ULK4: variants seen among roughly 807,000 people sequenced by gnomAD.
The protein encoded by ULK4 is inactive serine/threonine-protein kinase ULK4.
In ULK4, 133 loss-of-function variants were observed where a neutral mutation model predicts 160.6. The observed-to-expected ratio is 0.83, with a 90% confidence interval of 0.72 to 0.96. The LOEUF (loss-of-function observed/expected upper bound fraction) is 0.96, where lower values mean the gene tolerates loss of function less well. ULK4 is among the 40% of genes least tolerant of loss of function. ULK4 has a pLI of 0.00. For missense variants in ULK4, 1,580 were observed against 1,499.5 expected (o/e 1.05, Z -0.89); for synonymous variants, 534 against 539.8 (o/e 0.99, Z 0.15).
chr3:41,636,881 A>G (rs2033975866), intron 30 of ULK4, among the ~76,000 whole-genome samples: 1 of 151,958 alleles, frequency 6.6e-6, no homozygotes, highest in Non-Finnish European at 1.5e-5. Flanking sequence ...CGAACAGTGG[A>G]ATTAAAGATG....
intron 35 of ULK4, among the ~76,000 whole-genome samples, chr3:41,306,494 C>T (rs1353450699): frequency 1.4e-5 from 2 of 145,764 alleles, no homozygotes; most frequent in East Asian, 2.1e-4. Flanking sequence ...GCCCCCCGCC[C>T]GGCCAGCCGC....
intron 30 of ULK4, among the ~76,000 whole-genome samples, chr3:41,635,400 A>G (rs962215980): frequency 2.0e-5 from 3 of 152,050 alleles, no homozygotes; most frequent in African/African-American, 4.8e-5. Flanking sequence ...AAAAATAATT[A>G]TTAAGAATTA....
intron 17 of ULK4, 46 bp downstream of exon 17, chr3:41,883,828 C>G (rs1464895462): frequency 4.8e-6 from 7 of 1,463,756 alleles, no homozygotes; most frequent in Non-Finnish European, 5.8e-6. Context: ...GAATCAAGAA[C>G]AGTATTTCTT....
intron 21 of ULK4, among the ~76,000 whole-genome samples, chr3:41,779,983 A>G (rs2039769194): frequency 1.0e-5 from 1 of 96,482 alleles, no homozygotes; most frequent in Admixed American, 9.9e-5. Context: ...CTTAGAGTAT[A>G]ATAAAAAAAA....
chr3:41,679,682 T>G lies in ULK4; in HGVS notation c.2978+1826A>C, dbSNP rs2035857338. On this transcript the variant is annotated intron_variant, in intron 29 of 36. Transcript: ENST00000301831. ...TTAACACTTTTTATTTCACAAACTG[T>G]TCCAAAACTGGGCAGACTTCAGATA... Among the ~76,000 whole-genome samples the G allele has an allele frequency of 1.3e-5, 2 of 152,204 alleles. 1 individual carries two copies. Among genetic ancestry groups the G allele is most frequent in the South Asian group, 4.1e-4 (2 of 4,826 alleles).
In ULK4 at chr3:41,909,184, A is replaced by G. The variant is rs139872876; in HGVS notation, c.1086-1243T>C. On this transcript the variant is annotated intron_variant, in intron 11 of 36. Coordinates refer to ENST00000301831, the MANE Select transcript of ULK4 (RefSeq NM_017886.4). ...GCTGAGGCAGAAGAATAGCTTAAAC[A>G]GTGTAGGTGAAGGTTGCAGTGAGCA... 1.5e-3 allele frequency among the ~76,000 whole-genome samples: 233 copies of G among 151,846 alleles called. 1 individual carries two copies. The highest frequency in any genetic ancestry group is 5.4e-3 in the African/African-American group (222 of 41,412).
At chr3:41,745,876 G>C (rs1455756507) in intron 22 of ULK4, among the ~76,000 whole-genome samples, 1 of 150,702 alleles carries the variant, frequency 6.6e-6, no homozygotes, top group Non-Finnish European at 1.5e-5. Context: ...TATAGCAACA[G>C]CTAAAAAAAT....
chr3:41,309,365 T>C (rs1477116849), intron 35 of ULK4, among the ~76,000 whole-genome samples: 1 of 152,150 alleles, frequency 6.6e-6, no homozygotes, highest in East Asian at 1.9e-4. Flanking sequence ...CTCCCTATGC[T>C]GCCCAGGCTG....
intron 32 of ULK4, among the ~76,000 whole-genome samples, chr3:41,468,696 C>T (rs1220690265): frequency 3.3e-5 from 5 of 152,290 alleles, no homozygotes; most frequent in African/African-American, 1.2e-4. Context: ...TACCTTTCCA[C>T]CTCCCAGAGG....
intron 35 of ULK4, among the ~76,000 whole-genome samples, chr3:41,274,062 C>T (rs1166378017): frequency 1.3e-5 from 2 of 152,038 alleles, no homozygotes; most frequent in East Asian, 3.9e-4. Context: ...AAACTAAAGA[C>T]ACCCTCCATA....
chr3:41,385,992 A>G (rs1173737279), intron 35 of ULK4, among the ~76,000 whole-genome samples: 1 of 152,180 alleles, frequency 6.6e-6, no homozygotes, highest in African/African-American at 2.4e-5. Flanking sequence ...CTGGATGCTT[A>G]TTATTATCCT....
At chr3:41,924,793 T>C (rs1699319332) in intron 5 of ULK4, among the ~76,000 whole-genome samples, 2 of 152,150 alleles carry the variant, frequency 1.3e-5, no homozygotes, top group Admixed American at 1.3e-4. Flanking sequence ...ATTAACCTGC[T>C]GCTCTCCATC....
chr3:41,316,973 A>G (rs2080153384), intron 35 of ULK4, among the ~76,000 whole-genome samples: 1 of 151,898 alleles, frequency 6.6e-6, no homozygotes, highest in African/African-American at 2.4e-5. Context: ...TTTTAATTTA[A>G]TATTACATAT....
intron 35 of ULK4, among the ~76,000 whole-genome samples, chr3:41,285,563 G>C (rs2079440582): frequency 6.6e-6 from 1 of 152,114 alleles, no homozygotes; most frequent in Admixed American, 6.5e-5. Flanking sequence ...GTGTAAGAAT[G>C]ATACAATGGA....
intron 17 of ULK4, among the ~76,000 whole-genome samples, chr3:41,867,766 G>C (rs1396766528): frequency 6.6e-6 from 1 of 152,242 alleles, no homozygotes; most frequent in Non-Finnish European, 1.5e-5. Flanking sequence ...TTCAAGTTAT[G>C]AATTATTTCA....
chr3:41,717,734 T>C lies in ULK4; in HGVS notation c.2449A>G (p.Ile817Val), dbSNP rs760436178. 1 of 1,611,924 alleles carries C rather than the reference T, an allele frequency of 6.2e-7. No homozygotes were observed. Among genetic ancestry groups the C allele is most frequent in the South Asian group, 1.1e-5 (1 of 90,880 alleles). Residue 817 changes from isoleucine to valine, a missense_variant, in exon 23 of 37, where the codon ATC (isoleucine) becomes GTC (valine). Transcript: ENST00000301831. ...GGATGAGACTCCAATTTACCCAGGA[T>C]TCGTGGCAGCTCCTGCACAATGTGA... ...ICHIVQELPR[I>V]LGDILNSLAN...
chr3:41,670,378 T>A (rs913515718), intron 29 of ULK4, among the ~76,000 whole-genome samples: 3 of 152,168 alleles, frequency 2.0e-5, no homozygotes, highest in African/African-American at 7.2e-5. Context: ...AAATTGGGTA[T>A]AAATTAAACA....
At chr3:41,265,811 C>T (rs1275874085) in intron 35 of ULK4, among the ~76,000 whole-genome samples, 5 of 152,252 alleles carry the variant, frequency 3.3e-5, no homozygotes, top group South Asian at 2.1e-4. Context: ...GGAAGGGAAT[C>T]GTGAAATCTG....
chr3:41,377,952 T>C (rs937747288), intron 35 of ULK4, among the ~76,000 whole-genome samples: 4 of 151,640 alleles, frequency 2.6e-5, no homozygotes, highest in Middle Eastern at 3.4e-3. Flanking sequence ...CTATTCACAA[T>C]AGCAAAGACT....
Sources: gnomAD v4.1 joint callset for allele counts (sites outside exome capture counted in the v4.1 genomes callset) on GRCh38, gnomAD v4.1.1 for gene constraint, MANE v1.5 for transcripts, NCBI Gene and HGNC (gene_info 2026-07-23, HGNC 2026-07-21) for gene names.